The following NCKAP5 variants were observed in gnomAD, a reference collection of about 807,000 sequenced individuals.
NCKAP5 encodes nck-associated protein 5.
In NCKAP5, 92 loss-of-function variants were observed where a neutral mutation model predicts 167.0. The ratio of observed to expected loss-of-function variants is 0.55; its 90% CI spans 0.47 to 0.66. The LOEUF (loss-of-function observed/expected upper bound fraction) is 0.66. Among genes scored for constraint, NCKAP5 ranks in the 30% least tolerant of loss-of-function variants. The pLI is 0.00. For missense variants in NCKAP5, 2,378 were observed against 2,315.0 expected, an observed-to-expected ratio of 1.03 and a Z score of -0.56; for synonymous variants, 891 against 877.4, an observed-to-expected ratio of 1.02 and a Z score of -0.27.
chr2:133,584,356 C>T, the NCKAP5 span, among the ~76,000 whole-genome samples: 1 of 152,310 alleles, frequency 6.6e-6, no homozygotes, highest in South Asian at 2.1e-4. Context: ...TCCTGAGAGG[C>T]AGTGCCTAGC....
At chr2:133,156,885 G>A (rs1317451015) in intron 5 of NCKAP5, among the ~76,000 whole-genome samples, 2 of 152,068 alleles carry the variant, frequency 1.3e-5, no homozygotes, top group Non-Finnish European at 2.9e-5. Context: ...TCCTTCATAA[G>A]CTGGTCCCAA....
the NCKAP5 span, among the ~76,000 whole-genome samples, chr2:133,653,310 T>C: frequency 1.7e-4 from 26 of 152,296 alleles, no homozygotes; most frequent in African/African-American, 6.0e-4. Context: ...TTAAACAACA[T>C]ATTGCCAAGT....
intron 19 of NCKAP5, among the ~76,000 whole-genome samples, chr2:132,715,908 A>C (rs1010014667): frequency 6.6e-6 from 1 of 152,152 alleles, no homozygotes. Flanking sequence ...TCTCCCTCCC[A>C]ATGAACATTT....
chr2:133,624,935 T>C, the NCKAP5 span, among the ~76,000 whole-genome samples: 1 of 152,200 alleles, frequency 6.6e-6, no homozygotes, highest in Admixed American at 6.5e-5. Context: ...CCCTAAATAC[T>C]GAAAGCAAAA....
intron 3 of NCKAP5, among the ~76,000 whole-genome samples, chr2:133,426,080 G>A (rs1386010123): frequency 6.6e-6 from 1 of 152,058 alleles, no homozygotes; most frequent in Non-Finnish European, 1.5e-5. Context: ...GACCAGCCTG[G>A]CCAACATGGT....
intron 5 of NCKAP5, among the ~76,000 whole-genome samples, chr2:133,147,087 G>T (rs1460675334): frequency 6.6e-6 from 1 of 152,110 alleles, no homozygotes; most frequent in African/African-American, 2.4e-5. Context: ...ATCCAAGATA[G>T]CACTTCTATG....
intron 2 of NCKAP5, among the ~76,000 whole-genome samples, chr2:133,520,289 G>C (rs1311169471): frequency 6.6e-6 from 1 of 152,156 alleles, no homozygotes; most frequent in African/African-American, 2.4e-5. Context: ...CTGAGTTACA[G>C]GCAAAAACTA....
chr2:132,751,532 T>C (rs1222074286), intron 16 of NCKAP5, among the ~76,000 whole-genome samples: 1 of 152,220 alleles, frequency 6.6e-6, no homozygotes, highest in Non-Finnish European at 1.5e-5. Context: ...AAGTTTATTA[T>C]CTATGCTTGT....
chr2:133,585,648 A>T, the NCKAP5 span, among the ~76,000 whole-genome samples: 2 of 152,242 alleles, frequency 1.3e-5, no homozygotes, highest in Admixed American at 6.5e-5. Context: ...TATTGAATGT[A>T]TAATATGTAT....
intron 6 of NCKAP5, among the ~76,000 whole-genome samples, chr2:133,011,943 C>T (rs1418840607): frequency 6.6e-6 from 1 of 152,118 alleles, no homozygotes; most frequent in Non-Finnish European, 1.5e-5. Context: ...ATGGCTATTG[C>T]TGGACCCCTT....
At chr2:133,578,200 A>G in the NCKAP5 span, among the ~76,000 whole-genome samples, 280 of 152,272 alleles carry the variant, frequency 1.8e-3, 1 homozygote, top group Admixed American at 3.8e-3. Context: ...TCTAGTTCCT[A>G]TGGTAACAAA....
At chr2:133,257,443 C>T (rs1034306874) in intron 4 of NCKAP5, among the ~76,000 whole-genome samples, 3 of 152,124 alleles carry the variant, frequency 2.0e-5, no homozygotes, top group African/African-American at 4.8e-5. Context: ...AATTAAGCAG[C>T]TAAATGCATT....
At chr2:133,165,553 G>T (rs2149963373) in intron 5 of NCKAP5, among the ~76,000 whole-genome samples, 1 of 152,294 alleles carries the variant, frequency 6.6e-6, no homozygotes, top group African/African-American at 2.4e-5. Context: ...AAGCACAGAA[G>T]CAGACTGACT....
At chr2:133,650,079 T>A in the NCKAP5 span, among the ~76,000 whole-genome samples, 19 of 152,122 alleles carry the variant, frequency 1.2e-4, no homozygotes, top group Non-Finnish European at 2.5e-4. Flanking sequence ...AACAGCAAAC[T>A]GTGTGAAAAG....
intron 11 of NCKAP5, among the ~76,000 whole-genome samples, chr2:132,859,725 AG>A (rs973568141): frequency 6.6e-6 from 1 of 152,186 alleles, no homozygotes; most frequent in African/African-American, 2.4e-5. Flanking sequence ...TTGACAGCTT[AG>A]CCTCAGAAGG....
At chr2:133,051,681 G>A (rs1240188402) in intron 6 of NCKAP5, among the ~76,000 whole-genome samples, 2 of 152,162 alleles carry the variant, frequency 1.3e-5, no homozygotes, top group Non-Finnish European at 2.9e-5. Flanking sequence ...ATTTTCCAAT[G>A]CACTGTGAAT....
At chr2:132,893,086 A>C (rs964096368) in intron 8 of NCKAP5, among the ~76,000 whole-genome samples, 5 of 152,128 alleles carry the variant, frequency 3.3e-5, no homozygotes, top group African/African-American at 1.2e-4. Context: ...GCCACTTATA[A>C]AGCAAGTTTA....
chr2:133,623,881 T>C, the NCKAP5 span, among the ~76,000 whole-genome samples: 1 of 152,118 alleles, frequency 6.6e-6, no homozygotes, highest in Admixed American at 6.6e-5. Context: ...TTGAAAAATA[T>C]GGAACCAGCC....
chr2:133,139,753 T>C (rs1166158797), intron 5 of NCKAP5, among the ~76,000 whole-genome samples: 1 of 152,204 alleles, frequency 6.6e-6, no homozygotes, highest in East Asian at 1.9e-4. Flanking sequence ...TTCCTTGGGT[T>C]GGAAAAGGCC....
Sources: allele counts gnomAD v4.1 joint callset (sites outside exome capture counted in the v4.1 genomes callset), GRCh38; gene constraint gnomAD v4.1.1; transcripts MANE v1.5; gene names NCBI Gene and HGNC (gene_info 2026-07-23, HGNC 2026-07-21).